Variants in SLIT1 observed in about 807,000 individuals in gnomAD.
The protein encoded by SLIT1 is slit homolog 1 protein.
SLIT1 carries 66 observed loss-of-function variants against 186.1 expected under a neutral mutation model. The observed-to-expected ratio is 0.35, with a 90% CI of 0.29 to 0.44. The LOEUF (loss-of-function observed/expected upper bound fraction) is 0.44, where lower values mean the gene tolerates loss of function less well. Ranked by LOEUF, SLIT1 falls within the 20% of genes least tolerant of loss-of-function variation. The probability of loss-of-function intolerance (pLI) is 1.00; values close to 1 mark genes in which losing one functional copy is unlikely to be tolerated. For missense variants in SLIT1, 1,638 were observed against 2,037.4 expected, an observed-to-expected ratio of 0.80 and a Z score of 3.77; for synonymous variants, 761 against 833.8, an observed-to-expected ratio of 0.91 and a Z score of 1.50.
chr10:97,164,906 G>C lies in SLIT1; in HGVS notation c.198-16C>G, dbSNP rs1850083369. On this transcript the variant is annotated splice_polypyrimidine_tract_variant and intron_variant, in intron 1 of 36. Transcript: ENST00000266058. ...ATTGAGTTCCCTGGAGGAAGAAGGA[G>C]AGAAGGAAGCAGTGGGGTGAGCAGG... is the stretch of plus-strand genomic sequence containing the variant. 6.2e-7 allele frequency: 1 copy of C among 1,607,622 alleles called. No individual in the cohort carries two copies. Among genetic ancestry groups the C allele is most frequent in the Non-Finnish European group, 8.5e-7 (1 of 1,174,314 alleles).
intron 7 of SLIT1, 91 bp from the exon 8 acceptor site, chr10:97,063,709 C>A: frequency 2.2e-6 from 3 of 1,382,136 alleles, no homozygotes; most frequent in Middle Eastern, 2.1e-4. Flanking sequence ...AGGCTGCCCC[C>A]GGTGCTGTGT....
At chr10:97,110,639 T>A (rs112556970) in intron 4 of SLIT1, among the ~76,000 whole-genome samples, 54 of 152,356 alleles carry the variant, frequency 3.5e-4, no homozygotes, top group African/African-American at 1.1e-3. Context: ...AAGGCTTACA[T>A]ATATACATCT....
chr10:97,108,585 G>A (rs1050366929), intron 4 of SLIT1, among the ~76,000 whole-genome samples: 12 of 152,268 alleles, frequency 7.9e-5, no homozygotes, highest in Admixed American at 5.9e-4. Flanking sequence ...ACATGGCATC[G>A]GCTGGTGGTT....
chr10:97,014,377 G>A (rs1291477740), intron 28 of SLIT1, among the ~76,000 whole-genome samples: 1 of 152,202 alleles, frequency 6.6e-6, no homozygotes, highest in Non-Finnish European at 1.5e-5. Context: ...TGGATGGCGA[G>A]GGGAGAGGTA....
chr10:97,097,151 C>A (rs1180355197), intron 4 of SLIT1, among the ~76,000 whole-genome samples: 1 of 152,236 alleles, frequency 6.6e-6, no homozygotes, highest in East Asian at 1.9e-4. Flanking sequence ...CCACGTCCTG[C>A]ACACACACTC....
chr10:97,025,985 G>C (rs1848541600), intron 25 of SLIT1, among the ~76,000 whole-genome samples: 1 of 152,072 alleles, frequency 6.6e-6, no homozygotes, highest in African/African-American at 2.4e-5. Context: ...ATGAATGAAT[G>C]CCTGTCTAAA....
intron 10 of SLIT1, 64 bp downstream of exon 10, chr10:97,060,022 TG>T: frequency 7.2e-7 from 1 of 1,396,390 alleles, no homozygotes; most frequent in Non-Finnish European, 1.0e-6. Flanking sequence ...CCCAGGGCTG[TG>T]GGACCACCCA....
At chr10:97,173,286 C>A (rs1034067225) in intron 1 of SLIT1, among the ~76,000 whole-genome samples, 33 of 152,184 alleles carry the variant, frequency 2.2e-4, no homozygotes, top group Non-Finnish European at 1.3e-4. Context: ...TGGGGCAGCA[C>A]GGGCCTGGCT....
chr10:97,062,103 A>G (rs1309266309), intron 8 of SLIT1, among the ~76,000 whole-genome samples: 1 of 152,230 alleles, frequency 6.6e-6, no homozygotes. Flanking sequence ...TGTCCAAGTG[A>G]TTTACCCATT....
chr10:97,117,493 T>C (rs539955765), intron 4 of SLIT1, among the ~76,000 whole-genome samples: 20 of 152,156 alleles, frequency 1.3e-4, no homozygotes, highest in South Asian at 1.2e-3. Context: ...AAAAGGAATA[T>C]GACTATTCAA....
intron 4 of SLIT1, among the ~76,000 whole-genome samples, chr10:97,146,932 G>C (rs1194567220): frequency 6.6e-6 from 1 of 152,132 alleles, no homozygotes; most frequent in Non-Finnish European, 1.5e-5. Context: ...TGCCTTCTCT[G>C]GTGGAGAAGG....
chr10:97,003,566 C>T (rs1249442361), intron 34 of SLIT1, among the ~76,000 whole-genome samples: 2 of 152,316 alleles, frequency 1.3e-5, no homozygotes, highest in South Asian at 2.1e-4. Flanking sequence ...GTGGAGATGG[C>T]CCCACTGCAT....
At chr10:97,169,075 C>T (rs1850154548) in intron 1 of SLIT1, among the ~76,000 whole-genome samples, 1 of 152,018 alleles carries the variant, frequency 6.6e-6, no homozygotes, top group Non-Finnish European at 1.5e-5. Context: ...CTCCTCACTT[C>T]CTACACCCCA....
At position 97,000,899 on chromosome 10, in the gene SLIT1, C is replaced by T. The variant is rs201314265; in HGVS notation, c.*213G>A. ...CAAGGCACTTCCGGAGAGGGCAGCCCGCAGCTCAGGCCTCGCCCACCCCCG... is the reference window on the plus strand; with the variant it reads ...CAAGGCACTTCCGGAGAGGGCAGCCTGCAGCTCAGGCCTCGCCCACCCCCG... On this transcript the variant is annotated 3_prime_UTR_variant, in exon 37 of 37. Coordinates refer to ENST00000266058, the MANE Select transcript of SLIT1 (RefSeq NM_003061.3). 5.2e-3 allele frequency: 3,040 copies of T among 586,692 alleles called. 12 individuals are homozygous for T. Among genetic ancestry groups the T allele is most frequent in the Middle Eastern group, 9.0e-3 (20 of 2,224 alleles). The allele number at this position is 586,692 out of a possible 1,614,324, so 36.3% of individuals were successfully genotyped here. A position where few individuals can be genotyped will look rare whatever the true frequency, so the allele number is the denominator to read the frequency against.
rs755023664 is a variant in SLIT1, at chr10:97,018,573, C to A, written c.2969+13G>T. 1 of 1,536,486 alleles carries A rather than the reference C, an allele frequency of 6.5e-7. No individual in the cohort carries two copies. The highest frequency in any genetic ancestry group is 8.9e-7 in the Non-Finnish European group (1 of 1,128,758). On this transcript the variant is annotated intron_variant, in intron 28 of 36. Transcript: ENST00000266058. Reference sequence around the variant, plus strand: ...CAGCACTCACCAGGCTCCTGCCCCTCCAGGTAACTCACGTGAACGGGGCAT... The same window carrying A: ...CAGCACTCACCAGGCTCCTGCCCCTACAGGTAACTCACGTGAACGGGGCAT...
chr10:97,180,848 C>T lies in SLIT1; in HGVS notation c.197+4630G>A, dbSNP rs566891767. On this transcript the variant is annotated intron_variant, in intron 1 of 36. Transcript: ENST00000266058. ...CTCTCTTCTGCCCCACCCAAACCCTCGAGCCTCTAGCTTGAGCTTCCCAAA... is the reference window on the plus strand; with the variant it reads ...CTCTCTTCTGCCCCACCCAAACCCTTGAGCCTCTAGCTTGAGCTTCCCAAA... Among the ~76,000 whole-genome samples the T allele has an allele frequency of 7.9e-5, 12 of 152,350 alleles. No homozygotes were observed. In the South Asian group the frequency reaches 1.9e-3, roughly 24 times the overall value.
chr10:97,037,098 G>GTGTGTGTGTGTGTA (rs1491512373), intron 22 of SLIT1, among the ~76,000 whole-genome samples: 1 of 117,722 alleles, frequency 8.5e-6, no homozygotes, highest in African/African-American at 3.1e-5. Flanking sequence ...GTGTGTGTGT[G>GTGTGTGTGTGTGTA]TATGTGTGTG....
intron 28 of SLIT1, among the ~76,000 whole-genome samples, chr10:97,016,817 G>C (rs987763664): frequency 6.6e-6 from 1 of 152,180 alleles, no homozygotes; most frequent in African/African-American, 2.4e-5. Flanking sequence ...TGTATCTGGG[G>C]AGTCTGTGAG....
intron 26 of SLIT1, 116 bp from the exon 27 acceptor site, chr10:97,019,223 T>C: frequency 1.5e-6 from 1 of 681,498 alleles, no homozygotes; most frequent in Non-Finnish European, 2.6e-6. Flanking sequence ...CTCCTGATTT[T>C]TCCCCAGATC....
Sources: allele counts gnomAD v4.1 joint callset (sites outside exome capture counted in the v4.1 genomes callset), GRCh38; gene constraint gnomAD v4.1.1; transcripts MANE v1.5; gene names NCBI Gene and HGNC (gene_info 2026-07-23, HGNC 2026-07-21).